Variants in PI4K2B observed in about 807,000 individuals in gnomAD.
PI4K2B encodes the protein phosphatidylinositol 4-kinase type 2 beta, also known as phosphatidylinositol 4-kinase type 2-beta.
PI4K2B carries 46 observed loss-of-function variants against 56.6 expected under a neutral mutation model. That is an observed-to-expected ratio of 0.81 (90% confidence interval 0.64 to 1.04). PI4K2B has a LOEUF of 1.04. PI4K2B is among the 50% of genes least tolerant of loss of function. PI4K2B has a pLI of 0.00. For synonymous variants in PI4K2B, 211 were observed against 223.8 expected, an observed-to-expected ratio of 0.94 and a Z score of 0.51; for missense variants, 556 against 607.7, an observed-to-expected ratio of 0.91 and a Z score of 0.89.
intron 1 of PI4K2B, among the ~76,000 whole-genome samples, chr4:25,243,620 C>G (rs952769401): frequency 6.6e-6 from 1 of 152,208 alleles, no homozygotes; most frequent in African/African-American, 2.4e-5. Context: ...CTCCTGATAT[C>G]TGTGGCTGAT....
rs1405928094 is a variant in PI4K2B at position 25,234,225 on chromosome 4, A to C, written c.62A>C (p.Glu21Ala). Residue 21 changes from glutamate (E) to alanine (A), a missense_variant, in exon 1 of 10, where the codon GAG becomes GCG. By Grantham distance (107) the Glu-to-Ala change is moderately radical. Transcript: ENST00000264864. The part of the protein sequence containing the change: ...ASADGGSPEE[E>A]EDGEREPLLP... The stretch of plus-strand genomic sequence containing the variant: ...GCGGACGGCGGGAGCCCGGAGGAGG[A>C]GGAGGATGGGGAGCGGGAGCCGCTG... 5 of 1,424,462 alleles carry C rather than the reference A, an allele frequency of 3.5e-6. No individual in the cohort carries two copies. In the African/African-American group the frequency reaches 7.4e-5, roughly 21 times the overall value. 88.2% of individuals were successfully genotyped at this position (1,424,462 alleles called of 1,614,324 possible).
rs1261012532 is a variant in PI4K2B at position 25,269,166 on chromosome 4, C to T, written c.1235C>T (p.Ala412Val). ...TAGACTGACAAAGGATTTGACAAAGCCACTTTTGAAAGTCAGATGTCTGTG... is the reference window on the plus strand; with the variant it reads ...TAGACTGACAAAGGATTTGACAAAGTCACTTTTGAAAGTCAGATGTCTGTG... The part of the protein sequence containing the change: ...LFKTDKGFDK[A>V]TFESQMSVMR... The change falls in exon 9 of 10, where the codon GCC becomes GTC. Residue 412 changes from alanine (A) to valine (V), a missense_variant. Transcript: ENST00000264864. 2 of 1,586,994 alleles carry T rather than the reference C, an allele frequency of 1.3e-6. No homozygotes were observed. The highest frequency in any genetic ancestry group is 3.3e-5 in the Admixed American group (2 of 59,704).
At chr4:25,275,069 G>C (rs962205199) in intron 9 of PI4K2B, among the ~76,000 whole-genome samples, 2 of 152,202 alleles carry the variant, frequency 1.3e-5, no homozygotes, top group Non-Finnish European at 2.9e-5. Flanking sequence ...CTCCCAAAGT[G>C]CTGGGATTAC....
chr4:25,276,151 C>G (rs546456932), intron 9 of PI4K2B, among the ~76,000 whole-genome samples: 2 of 151,816 alleles, frequency 1.3e-5, no homozygotes, highest in Admixed American at 1.3e-4. Flanking sequence ...CTAAAATATA[C>G]AAGAAAGGAC....
At chr4:25,238,162 C>G (rs1409102555) in intron 1 of PI4K2B, among the ~76,000 whole-genome samples, 1 of 152,204 alleles carries the variant, frequency 6.6e-6, no homozygotes, top group African/African-American at 2.4e-5. Context: ...AGATGTACCT[C>G]AGATGCTTGA....
At chr4:25,258,786 C>T (rs527674945) in intron 4 of PI4K2B, among the ~76,000 whole-genome samples, 36 of 151,966 alleles carry the variant, frequency 2.4e-4, no homozygotes, top group African/African-American at 7.7e-4. Flanking sequence ...TTTAAATTTT[C>T]CCAAAATAGC....
intron 1 of PI4K2B, among the ~76,000 whole-genome samples, chr4:25,239,502 G>A (rs1282542001): frequency 4.1e-4 from 25 of 60,578 alleles, no homozygotes; most frequent in Admixed American, 3.5e-3. Context: ...GCCCGGGGCC[G>A]GTGGGGCCGG....
chr4:25,260,268 T>C (rs1215790372), intron 5 of PI4K2B, among the ~76,000 whole-genome samples: 1 of 152,126 alleles, frequency 6.6e-6, no homozygotes, highest in African/African-American at 2.4e-5. Context: ...CAGGGTAGTT[T>C]TGAGGATTAC....
chr4:25,236,765 C>T (rs1715279256), intron 1 of PI4K2B, among the ~76,000 whole-genome samples: 1 of 152,050 alleles, frequency 6.6e-6, no homozygotes, highest in Non-Finnish European at 1.5e-5. Flanking sequence ...TTCCGTTTTG[C>T]CATGGGTCCA....
intron 1 of PI4K2B, among the ~76,000 whole-genome samples, chr4:25,248,092 C>T (rs1388372067): frequency 1.3e-5 from 2 of 152,114 alleles, no homozygotes; most frequent in Admixed American, 1.3e-4. Context: ...AGTTCTAATC[C>T]TCAAGAGAGA....
In PI4K2B at chr4:25,252,326, A is replaced by G. The variant is rs1410588917; in HGVS notation, c.274A>G (p.Ile92Val). Residue 92 changes from isoleucine to valine, a missense_variant, in exon 2 of 10, where the codon ATT (isoleucine) becomes GTT (valine). Coordinates refer to ENST00000264864, the MANE Select transcript of PI4K2B (RefSeq NM_018323.4). ...DRSRPAVSVTIGTSEMNAFLD... is the reference protein window; with the variant it reads ...DRSRPAVSVTVGTSEMNAFLD... Reference sequence around the variant, plus strand: ...GGTATTTCTTCTTAATGCAGTAACTATTGGTACTTCAGAGATGAATGCATT... The same window carrying G: ...GGTATTTCTTCTTAATGCAGTAACTGTTGGTACTTCAGAGATGAATGCATT... The G allele has an allele frequency of 6.2e-6, 10 of 1,608,678 alleles. No individual in the cohort carries two copies. The Admixed American group carries it at 6.7e-5, about 11-fold the overall frequency.
At chr4:25,257,982 C>A (rs527716055) in intron 4 of PI4K2B, among the ~76,000 whole-genome samples, 221 of 152,198 alleles carry the variant, frequency 1.5e-3, no homozygotes, top group African/African-American at 5.1e-3. Flanking sequence ...ATTTTTGAAG[C>A]AAACTAGGGT....
intron 4 of PI4K2B, among the ~76,000 whole-genome samples, chr4:25,258,213 C>CTTTTTTTTT (rs545122643): frequency 0.38 from 44,426 of 116,146 alleles, 9,391 homozygotes; most frequent in Non-Finnish European, 0.49. Flanking sequence ...GGAATCTGTC[C>CTTTTTTTTT]TTTTTTTTTT....
At chr4:25,235,536 A>C (rs3106320) in intron 1 of PI4K2B, among the ~76,000 whole-genome samples, 125,083 of 152,126 alleles carry the variant, frequency 0.82, 51,493 homozygotes, top group Non-Finnish European at 0.83. Context: ...CAAGGGGAGC[A>C]GTTTGTCTGA....
At chr4:25,253,844 T>C (rs978241919) in intron 2 of PI4K2B, among the ~76,000 whole-genome samples, 1 of 152,208 alleles carries the variant, frequency 6.6e-6, no homozygotes, top group South Asian at 2.1e-4. Flanking sequence ...CAGTCTCGGC[T>C]CACTGCAACC....
intron 1 of PI4K2B, among the ~76,000 whole-genome samples, chr4:25,240,597 G>A (rs763842741): frequency 5.9e-5 from 9 of 152,162 alleles, no homozygotes; most frequent in Non-Finnish European, 1.2e-4. Flanking sequence ...AGACTAAGGT[G>A]CAGGTGCCAG....
intron 9 of PI4K2B, among the ~76,000 whole-genome samples, chr4:25,273,526 C>T (rs984046806): frequency 6.6e-5 from 10 of 152,142 alleles, no homozygotes; most frequent in African/African-American, 2.4e-4. Flanking sequence ...CTCAAAACAC[C>T]TCCACAGAGT....
In PI4K2B at chr4:25,260,641, TAC is replaced by T. The variant is rs746438409; in HGVS notation, c.978+72_978+73del. On this transcript the variant is annotated intron_variant, in intron 6 of 9. Transcript: ENST00000264864. ...ATATATATATATATATATATATATA[TAC>T]ACACACACACACACACACACATACA... is the stretch of plus-strand genomic sequence containing the variant. 261 of 69,296 alleles carry T rather than the reference TAC, an allele frequency of 3.8e-3. 1 individual carries two copies. The highest frequency in any genetic ancestry group is 0.022 in the East Asian group (69 of 3,074). 4.3% of individuals were successfully genotyped at this position (69,296 alleles called of 1,614,324 possible). A position where few individuals can be genotyped will look rare whatever the true frequency, so the allele number is the denominator to read the frequency against.
intron 1 of PI4K2B, among the ~76,000 whole-genome samples, chr4:25,243,287 G>T (rs1285612941): frequency 6.6e-6 from 1 of 152,242 alleles, no homozygotes; most frequent in African/African-American, 2.4e-5. Context: ...CTGGGGCAGT[G>T]CACCTTCCAG....
Sources: allele counts gnomAD v4.1 joint callset (sites outside exome capture counted in the v4.1 genomes callset), GRCh38; gene constraint gnomAD v4.1.1; transcripts MANE v1.5; gene names NCBI Gene and HGNC (gene_info 2026-07-23, HGNC 2026-07-21).